CALCOCO2: variants seen among roughly 807,000 people sequenced by gnomAD.
CALCOCO2 encodes calcium-binding and coiled-coil domain-containing protein 2.
In CALCOCO2, 42 loss-of-function variants were observed where a neutral mutation model predicts 62.5. That is an observed-to-expected ratio of 0.67 (90% CI 0.53 to 0.87). The LOEUF (loss-of-function observed/expected upper bound fraction) is 0.87, where lower values mean the gene tolerates loss of function less well. CALCOCO2 is among the 40% of genes least tolerant of loss of function. The pLI is 0.00. For missense variants in CALCOCO2, 456 were observed against 515.0 expected (o/e 0.89, Z 1.11); for synonymous variants, 167 against 173.0 (o/e 0.97, Z 0.27).
intron 1 of CALCOCO2, among the ~76,000 whole-genome samples, chr17:48,833,764 TA>T (rs2039850305): frequency 6.6e-6 from 1 of 152,142 alleles, no homozygotes; most frequent in African/African-American, 2.4e-5. Flanking sequence ...AAGGCTAATG[TA>T]AACATGTTGG....
chr17:48,838,247 T>G (rs2039923759), intron 1 of CALCOCO2, among the ~76,000 whole-genome samples: 1 of 152,172 alleles, frequency 6.6e-6, no homozygotes, highest in Admixed American at 6.5e-5. Flanking sequence ...ATAGGGATTT[T>G]CACAGTGCTT....
rs1282659210 is a variant in CALCOCO2, at chr17:48,849,291, T to C, written c.457T>C (p.Cys153Arg). The C allele has an allele frequency of 1.9e-6, 3 of 1,613,746 alleles. No individual in the cohort carries two copies. The highest frequency in any genetic ancestry group is 2.5e-6 in the Non-Finnish European group (3 of 1,179,750). ...EEIEQHNKEL[C>R]KENQELKDSC... ...GATTGAGCAGCACAACAAGGAGCTT[T>C]GCAAAGAAAACCAGGAGCTGAAGGA... Residue 153 changes from cysteine to arginine, a missense_variant, in exon 5 of 13, where the codon TGC becomes CGC. Physicochemically the swap from Cys to Arg is radical, Grantham distance 180. Coordinates refer to ENST00000258947, the MANE Select transcript of CALCOCO2 (RefSeq NM_005831.5).
chr17:48,860,143 A>G (rs575445824), intron 10 of CALCOCO2, among the ~76,000 whole-genome samples, 171 bp from the exon 11 acceptor site: 6 of 152,342 alleles, frequency 3.9e-5, no homozygotes, highest in Admixed American at 3.9e-4. Flanking sequence ...GATCTTTGGA[A>G]TATTGAAACT....
At chr17:48,856,720 T>C (rs2040220474) in intron 10 of CALCOCO2, 1 of 424,046 alleles carries the variant, frequency 2.4e-6, no homozygotes, top group Non-Finnish European at 4.7e-6. Flanking sequence ...GAAGATGATA[T>C]GGCAAAAAAT....
At position 48,860,438 on chromosome 17, in the gene CALCOCO2, A is replaced by G; in HGVS notation, c.1133A>G (p.Asn378Ser). 1 of 1,613,962 alleles carries G rather than the reference A, an allele frequency of 6.2e-7. No homozygotes were observed. The highest frequency in any genetic ancestry group is 8.5e-7 in the Non-Finnish European group (1 of 1,179,858). The change falls in exon 11 of 13, where the codon AAC (asparagine) becomes AGC (serine). Residue 378 changes from asparagine to serine, a missense_variant. Asn to Ser is a conservative substitution (Grantham distance 46). Transcript: ENST00000258947. ...CAAAATCCAGGACTTGCCTATGGAA[A>G]CCCATATTCTGGTAAGACAACTTTC... ...ARQNPGLAYGNPYSGIQESSS... is the reference protein window; with the variant it reads ...ARQNPGLAYGSPYSGIQESSS...
rs1217581258 is a variant in CALCOCO2, at chr17:48,860,409, A to G, written c.1104A>G (p.Ala368=). The G allele has an allele frequency of 6.2e-7, 1 of 1,613,974 alleles. No individual in the cohort carries two copies. The highest frequency in any genetic ancestry group is 2.2e-5 in the East Asian group (1 of 44,900). The change falls in exon 11 of 13, where the codon GCA becomes GCG. Residue 368 remains alanine (A), a synonymous_variant. Coordinates refer to ENST00000258947, the MANE Select transcript of CALCOCO2 (RefSeq NM_005831.5). ...TACCTACTTCAGATGAAGGAGGCGC[A>G]AGACAAAATCCAGGACTTGCCTATG... The part of the protein sequence containing the change: ...YQVPTSDEGG[A]RQNPGLAYGN...
chr17:48,849,425 G>T (rs1393146264), intron 5 of CALCOCO2, 48 bp downstream of exon 5: 2 of 1,552,254 alleles, frequency 1.3e-6, no homozygotes, highest in South Asian at 1.1e-5. Flanking sequence ...GATCAGAATT[G>T]GATGGTGCCT....
chr17:48,846,650 G>A (rs561945256), intron 2 of CALCOCO2: 20 of 606,226 alleles, frequency 3.3e-5, no homozygotes, highest in African/African-American at 5.6e-5. Flanking sequence ...CTGTACCACC[G>A]CAGGCTGCAG....
chr17:48,858,044 G>GC (rs1393477115), intron 10 of CALCOCO2, among the ~76,000 whole-genome samples: 1 of 31,336 alleles, frequency 3.2e-5, no homozygotes, highest in Non-Finnish European at 6.5e-5. Context: ...GAATAGAATA[G>GC]AAAATAGAAT....
At chr17:48,853,291 C>A in intron 9 of CALCOCO2, 1 of 302,196 alleles carries the variant, frequency 3.3e-6, no homozygotes, top group Admixed American at 4.3e-5. Context: ...CACAGAATAA[C>A]CCCTACCCTC....
intron 10 of CALCOCO2, among the ~76,000 whole-genome samples, chr17:48,858,695 T>TG (rs538439174): frequency 0.015 from 2,283 of 147,912 alleles, 55 homozygotes; most frequent in African/African-American, 0.052. Context: ...AGTTTGATTG[T>TG]GGGGGGGGGC....
chr17:48,862,071 T>G (rs1388951634), intron 11 of CALCOCO2, among the ~76,000 whole-genome samples: 3 of 151,888 alleles, frequency 2.0e-5, no homozygotes, highest in African/African-American at 7.3e-5. Context: ...AAAATACGAT[T>G]TCATTATTTA....
At chr17:48,845,320 G>GGTGTGTGTGT (rs55686005) in intron 2 of CALCOCO2, among the ~76,000 whole-genome samples, 8 of 137,254 alleles carry the variant, frequency 5.8e-5, no homozygotes, top group Middle Eastern at 3.8e-3. Context: ...CTATGTTGAG[G>GGTGTGTGTGT]GTGTGTGTGT....
At chr17:48,856,965 AT>A (rs112324048) in intron 10 of CALCOCO2, among the ~76,000 whole-genome samples, 48,117 of 148,872 alleles carry the variant, frequency 0.32, 7,958 homozygotes, top group Admixed American at 0.44. Flanking sequence ...TGCCCGGCTA[AT>A]TTTTTTTTTA....
rs1380763904 is a variant in CALCOCO2, at chr17:48,846,562, C to G, written c.181-1502C>G. 6 of 808,120 alleles carry G rather than the reference C, an allele frequency of 7.4e-6. No homozygotes were observed. The East Asian group carries it at 1.6e-4, about 22-fold the overall frequency. 50.1% of individuals were successfully genotyped at this position (808,120 alleles called of 1,614,324 possible). A position where few individuals can be genotyped will look rare whatever the true frequency, so the allele number is the denominator to read the frequency against. ...TTCCAAGGCAGCAATAATTCTTAGG[C>G]CTTCCCAATGATATTTTGGTCACAG... is the stretch of plus-strand genomic sequence containing the variant. On this transcript the variant is annotated intron_variant, in intron 2 of 12. Coordinates refer to ENST00000258947, the MANE Select transcript of CALCOCO2 (RefSeq NM_005831.5).
chr17:48,857,831 A>G (rs2040242297), intron 10 of CALCOCO2, among the ~76,000 whole-genome samples: 1 of 147,222 alleles, frequency 6.8e-6, no homozygotes. Context: ...AAAAAAAATT[A>G]GCGAGCTTGG....
chr17:48,851,517 G>C, intron 6 of CALCOCO2, 42 bp from the exon 7 acceptor site: 2 of 1,144,830 alleles, frequency 1.7e-6, no homozygotes, highest in Non-Finnish European at 2.7e-6. Context: ...TAGCTGACCT[G>C]GAATCAGTGA....
Position 48,846,339 on chromosome 17 carries a change from C to T in CALCOCO2, c.181-1725C>T, listed in dbSNP as rs2040052965. On this transcript the variant is annotated intron_variant, in intron 2 of 12. Coordinates refer to ENST00000258947, the MANE Select transcript of CALCOCO2 (RefSeq NM_005831.5). ...AATACATACAAATATGTTACATCTT[C>T]TCTATAGTGAAAGCCACCACCAATG... is the stretch of plus-strand genomic sequence containing the variant. 6 of 618,112 alleles carry T rather than the reference C, an allele frequency of 9.7e-6. No individual in the cohort carries two copies. In the South Asian group the frequency reaches 9.8e-5, roughly 10 times the overall value. The allele number at this position is 618,112 out of a possible 1,614,324, so 38.3% of individuals were successfully genotyped here.
At chr17:48,846,114 C>A in intron 2 of CALCOCO2, 1 of 1,164,540 alleles carries the variant, frequency 8.6e-7, no homozygotes, top group Non-Finnish European at 1.2e-6. Flanking sequence ...CTCAGTAACT[C>A]TTTTTATTTT....
Sources: allele counts gnomAD v4.1 joint callset (sites outside exome capture counted in the v4.1 genomes callset), GRCh38; gene constraint gnomAD v4.1.1; transcripts MANE v1.5; gene names NCBI Gene and HGNC (gene_info 2026-07-23, HGNC 2026-07-21).